ENTPD1: variants seen among roughly 807,000 people sequenced by gnomAD.
ENTPD1 encodes the protein ATP diphosphohydrolase.
In ENTPD1, 33 loss-of-function variants were observed where a neutral mutation model predicts 57.0. The ratio of observed to expected loss-of-function variants is 0.58; its 90% CI spans 0.44 to 0.77. ENTPD1 has a LOEUF of 0.77. ENTPD1 is among the 30% of genes least tolerant of loss of function. The pLI, the probability that ENTPD1 is intolerant of heterozygous loss-of-function variation, is 0.00. For missense variants in ENTPD1, 501 were observed against 603.4 expected (o/e 0.83, Z 1.78); for synonymous variants, 202 against 218.8 (o/e 0.92, Z 0.68).
At chr10:95,742,071 T>C (rs937556573) in intron 1 of ENTPD1, among the ~76,000 whole-genome samples, 1 of 152,144 alleles carries the variant, frequency 6.6e-6, no homozygotes, top group Non-Finnish European at 1.5e-5. Flanking sequence ...AAGCTGGGTG[T>C]GTGGGCCATG....
rs925945905 is a variant in ENTPD1, at chr10:95,871,463, C to T, written c.*5080C>T. 5 of 985,340 alleles carry T rather than the reference C, an allele frequency of 5.1e-6. No individual in the cohort carries two copies. Among genetic ancestry groups the T allele is most frequent in the Non-Finnish European group, 6.0e-6 (5 of 829,910 alleles). The allele number at this position is 985,340 out of a possible 1,614,324, so 61.0% of individuals were successfully genotyped here. On this transcript the variant is annotated 3_prime_UTR_variant, in exon 10 of 10. Transcript: ENST00000371205. Reference sequence around the variant, plus strand: ...GGAAACCATACATCTATGTATTTTTCTTATTTTATACGTTTAGGACAATGT... The same window carrying T: ...GGAAACCATACATCTATGTATTTTTTTTATTTTATACGTTTAGGACAATGT...
intron 8 of ENTPD1, 143 bp downstream of exon 8, chr10:95,860,725 G>A (rs2098463959): frequency 2.8e-6 from 2 of 708,848 alleles, no homozygotes; most frequent in Admixed American, 4.2e-5. Flanking sequence ...GGTGGACTCA[G>A]GAATGAATTT....
intron 4 of ENTPD1, 107 bp downstream of exon 4, chr10:95,842,601 C>A: frequency 7.8e-7 from 1 of 1,278,092 alleles, no homozygotes. Flanking sequence ...CCAAGTTCTA[C>A]ACACCCAAGT....
At chr10:95,822,932 G>A (rs2098358848) in intron 1 of ENTPD1, among the ~76,000 whole-genome samples, 1 of 152,196 alleles carries the variant, frequency 6.6e-6, no homozygotes, top group South Asian at 2.1e-4. Context: ...TGATAGATCT[G>A]TGTGAACTGT....
At position 95,868,260 on chromosome 10, in the gene ENTPD1, CTCA is replaced by C. The variant is rs1190786388; in HGVS notation, c.*1879_*1881del. ...TTTCCCGAACATACCAGGCTGTCTC[CTCA>C]TAACTTCCAAGCATGCACTTAAAAC... On this transcript the variant is annotated 3_prime_UTR_variant, in exon 10 of 10. Transcript: ENST00000371205. 6 of 985,424 alleles carry C rather than the reference CTCA, an allele frequency of 6.1e-6. No individual in the cohort carries two copies. The highest frequency in any genetic ancestry group is 3.5e-5 in the African/African-American group (2 of 57,368). The allele number at this position is 985,424 out of a possible 1,614,324, so 61.0% of individuals were successfully genotyped here.
At chr10:95,795,205 T>G (rs2098221306) in intron 1 of ENTPD1, among the ~76,000 whole-genome samples, 1 of 152,126 alleles carries the variant, frequency 6.6e-6, no homozygotes, top group Non-Finnish European at 1.5e-5. Flanking sequence ...ATTGAATTTT[T>G]GGGAGATTCC....
chr10:95,796,310 C>T (rs1033630882), intron 1 of ENTPD1, among the ~76,000 whole-genome samples: 1 of 152,062 alleles, frequency 6.6e-6, no homozygotes, highest in African/African-American at 2.4e-5. Context: ...GAGAGGATTG[C>T]AAAGGAGGGT....
chr10:95,722,696 T>C (rs1024241971), intron 1 of ENTPD1, among the ~76,000 whole-genome samples: 13 of 151,956 alleles, frequency 8.6e-5, no homozygotes. Context: ...ACCATTGTGG[T>C]TTTTTTCTCA....
At chr10:95,810,858 A>C (rs1341095022) in intron 1 of ENTPD1, among the ~76,000 whole-genome samples, 1 of 152,222 alleles carries the variant, frequency 6.6e-6, no homozygotes, top group Non-Finnish European at 1.5e-5. Flanking sequence ...CTAAATGGGT[A>C]CAGAAAATAT....
At chr10:95,723,193 A>G (rs1400159769) in intron 1 of ENTPD1, among the ~76,000 whole-genome samples, 1 of 152,178 alleles carries the variant, frequency 6.6e-6, no homozygotes, top group Admixed American at 6.5e-5. Context: ...ATGATCAATT[A>G]TAGGTTTTAA....
At chr10:95,749,126 A>C (rs576640720) in intron 1 of ENTPD1, among the ~76,000 whole-genome samples, 9 of 152,340 alleles carry the variant, frequency 5.9e-5, no homozygotes, top group Admixed American at 5.9e-4. Flanking sequence ...GGTGATACCC[A>C]AATGCTACCA....
At chr10:95,739,440 G>A (rs767256993) in intron 1 of ENTPD1, among the ~76,000 whole-genome samples, 4 of 152,154 alleles carry the variant, frequency 2.6e-5, no homozygotes, top group Non-Finnish European at 4.4e-5. Flanking sequence ...TCATTTCAAC[G>A]ATGTTCACTG....
intron 3 of ENTPD1, among the ~76,000 whole-genome samples, chr10:95,840,428 T>C (rs1321939743): frequency 6.6e-6 from 1 of 152,232 alleles, no homozygotes; most frequent in African/African-American, 2.4e-5. Context: ...GCTCTCTTAA[T>C]CTTTGTACCC....
At chr10:95,839,867 G>T (rs949530761) in intron 3 of ENTPD1, 59 bp downstream of exon 3, 1 of 1,535,924 alleles carries the variant, frequency 6.5e-7, no homozygotes, top group Non-Finnish European at 9.0e-7. Flanking sequence ...CATGAGAGGT[G>T]TATGACCAGT....
Position 95,870,850 on chromosome 10 carries a change from CATGAATTGCT to C in ENTPD1, c.*4468_*4477del. The C allele has an allele frequency of 1.0e-6, 1 of 985,412 alleles. No individual in the cohort carries two copies. Among genetic ancestry groups the C allele is most frequent in the Non-Finnish European group, 1.2e-6 (1 of 829,928 alleles). The allele number at this position is 985,412 out of a possible 1,614,324, so 61.0% of individuals were successfully genotyped here. A position where few individuals can be genotyped will look rare whatever the true frequency, so the allele number is the denominator to read the frequency against. On this transcript the variant is annotated 3_prime_UTR_variant, in exon 10 of 10. Transcript: ENST00000371205. ...ACTTTTTATAACAGCCTCAAAGTTT[CATGAATTGCT>C]GCAGTAAACATTGATTTTCATGTTT... is the stretch of plus-strand genomic sequence containing the variant.
At position 95,866,268 on chromosome 10, in the gene ENTPD1, C is replaced by G. The variant is rs758404941; in HGVS notation, c.1418C>G (p.Ser473Cys). The G allele has an allele frequency of 1.7e-5, 28 of 1,614,178 alleles. No homozygotes were observed. The South Asian group carries it at 3.0e-4, about 17-fold the overall frequency. Residue 473 changes from serine (S) to cysteine (C), a missense_variant, in exon 10 of 10, where the codon TCC becomes TGC. Coordinates refer to ENST00000371205, the MANE Select transcript of ENTPD1 (RefSeq NM_001776.6). ...PAEQPLSTPL[S>C]HSTYVFLMVL... ...GAGCAACCATTGTCCACACCTCTCT[C>G]CCACTCCACCTATGTCTTCCTCATG...
intron 8 of ENTPD1, among the ~76,000 whole-genome samples, chr10:95,862,165 G>A (rs2098466456): frequency 6.6e-6 from 1 of 152,146 alleles, no homozygotes; most frequent in South Asian, 2.1e-4. Flanking sequence ...AAGCTAAGAA[G>A]GGCCTGCATT....
intron 7 of ENTPD1, among the ~76,000 whole-genome samples, chr10:95,854,064 G>A: frequency 6.6e-6 from 1 of 152,148 alleles, no homozygotes; most frequent in Admixed American, 6.5e-5. Context: ...TCTGGTCCTG[G>A]ACTTTTTTTG....
intron 2 of ENTPD1, among the ~76,000 whole-genome samples, chr10:95,824,658 T>C (rs952789385): frequency 1.3e-5 from 2 of 152,242 alleles, no homozygotes; most frequent in African/African-American, 4.8e-5. Flanking sequence ...TTGACCTTTT[T>C]ACATGTTCAG....
Sources: gnomAD v4.1 joint callset for allele counts (sites outside exome capture counted in the v4.1 genomes callset) on GRCh38, gnomAD v4.1.1 for gene constraint, MANE v1.5 for transcripts, NCBI Gene and HGNC (gene_info 2026-07-23, HGNC 2026-07-21) for gene names.